Variants in GREB1 observed in about 807,000 individuals in gnomAD.
The protein encoded by GREB1 is growth regulating estrogen receptor binding 1, also known as protein GREB1.
In GREB1, 106 loss-of-function variants were observed where a neutral mutation model predicts 200.7. The ratio of observed to expected loss-of-function variants is 0.53; its 90% CI spans 0.45 to 0.62. The LOEUF (loss-of-function observed/expected upper bound fraction) is 0.62, where lower values mean the gene tolerates loss of function less well. Ranked by LOEUF, GREB1 falls within the 20% of genes least tolerant of loss-of-function variation. The pLI is 0.00. For missense variants in GREB1, 2,243 were observed against 2,556.8 expected, an observed-to-expected ratio of 0.88 and a Z score of 2.65; for synonymous variants, 1,132 against 1,092.4, an observed-to-expected ratio of 1.04 and a Z score of -0.72.
intron 4 of GREB1, among the ~76,000 whole-genome samples, chr2:11,573,633 A>G (rs775469373): frequency 2.6e-5 from 4 of 152,090 alleles, no homozygotes; most frequent in Non-Finnish European, 5.9e-5. Flanking sequence ...CTCTGTGGCT[A>G]TCTCTCCAAG....
At chr2:11,498,350 C>T (rs1159972783) in intron 1 of GREB1, among the ~76,000 whole-genome samples, 2 of 152,092 alleles carry the variant, frequency 1.3e-5, no homozygotes, top group Non-Finnish European at 2.9e-5. Context: ...GTTCCAGCAC[C>T]ATTTATTGAA....
upstream of GREB1, among the ~76,000 whole-genome samples, chr2:11,529,137 A>T (rs1250245489): frequency 6.6e-6 from 1 of 152,186 alleles, no homozygotes; most frequent in Non-Finnish European, 1.5e-5. Context: ...ACCTGTAAAG[A>T]TGGAAGAGTA....
At chr2:11,550,861 G>T (rs185490023) in intron 1 of GREB1, among the ~76,000 whole-genome samples, 5 of 152,302 alleles carry the variant, frequency 3.3e-5, no homozygotes, top group African/African-American at 9.6e-5. Context: ...GACAATGCAT[G>T]TTCTCCATCT....
intron 1 of GREB1, among the ~76,000 whole-genome samples, chr2:11,549,381 T>G (rs1009783562): frequency 6.6e-6 from 1 of 152,082 alleles, no homozygotes; most frequent in East Asian, 1.9e-4. Context: ...TGTCCTACTT[T>G]AAGACGAAAA....
intron 5 of GREB1, among the ~76,000 whole-genome samples, 161 bp downstream of exon 5, chr2:11,576,696 C>T (rs1024730258): frequency 3.3e-5 from 5 of 152,106 alleles, no homozygotes; most frequent in African/African-American, 7.2e-5. Context: ...GCGTTACGGG[C>T]GTTAAGCTGG....
intron 10 of GREB1, chr2:11,591,385 C>T (rs372031973): frequency 1.4e-6 from 1 of 734,790 alleles, no homozygotes; most frequent in Non-Finnish European, 2.5e-6. Flanking sequence ...GCCTGACGCA[C>T]TTTCTTCCAG....
At chr2:11,634,411 G>C in intron 29 of GREB1, 62 bp downstream of exon 29, 1 of 1,302,262 alleles carries the variant, frequency 7.7e-7, no homozygotes, top group Non-Finnish European at 1.1e-6. Context: ...TCCTGAGTGA[G>C]GGCAGCCTGG....
chr2:11,588,918 C>T lies in GREB1; in HGVS notation c.1332C>T (p.Tyr444=). The T allele has an allele frequency of 2.5e-6, 4 of 1,614,006 alleles. No individual in the cohort carries two copies. The highest frequency in any genetic ancestry group is 2.5e-6 in the Non-Finnish European group (3 of 1,179,938). The part of the protein sequence containing the change: ...EEMQLLLTVY[Y]LVQLAADQVP... The stretch of plus-strand genomic sequence containing the variant: ...TGCAGCTCCTGCTTACCGTCTACTA[C>T]CTGGTCCAGCTGGGTGAGTCACCTC... Residue 444 remains tyrosine (Y), a synonymous_variant, in exon 10 of 33, where the codon TAC becomes TAT. Coordinates refer to ENST00000381486, the MANE Select transcript of GREB1 (RefSeq NM_014668.4).
intron 5 of GREB1, among the ~76,000 whole-genome samples, chr2:11,577,626 CCT>C (rs1679009971): frequency 6.6e-6 from 1 of 152,182 alleles, no homozygotes; most frequent in African/African-American, 2.4e-5. Context: ...GTGAGGTGTC[CCT>C]CCCTTGTCTG....
chr2:11,603,979 C>T (rs945515234), intron 17 of GREB1, among the ~76,000 whole-genome samples: 1 of 152,216 alleles, frequency 6.6e-6, no homozygotes, highest in Non-Finnish European at 1.5e-5. Context: ...TATAGTGAAA[C>T]TGGACCCCAA....
At chr2:11,611,740 C>A (rs1026182863) in intron 18 of GREB1, among the ~76,000 whole-genome samples, 2 of 152,222 alleles carry the variant, frequency 1.3e-5, no homozygotes, top group African/African-American at 4.8e-5. Context: ...GCCATCCCCA[C>A]AGAACTCAGC....
intron 1 of GREB1, among the ~76,000 whole-genome samples, chr2:11,490,695 T>C (rs144213947): frequency 0.034 from 5,227 of 152,218 alleles, 304 homozygotes; most frequent in African/African-American, 0.11. Flanking sequence ...ATTACAGGCG[T>C]GCAGCACCAC....
intron 25 of GREB1, among the ~76,000 whole-genome samples, chr2:11,627,532 T>C (rs561412334): frequency 6.6e-6 from 1 of 152,120 alleles, no homozygotes; most frequent in South Asian, 2.1e-4. Flanking sequence ...GCAAAAGGAG[T>C]ACTATGGTTG....
chr2:11,599,418 C>T (rs1681567739), intron 15 of GREB1, among the ~76,000 whole-genome samples: 1 of 151,062 alleles, frequency 6.6e-6, no homozygotes, highest in South Asian at 2.1e-4. Flanking sequence ...CGGCTCACTG[C>T]AGGCTCAGCC....
chr2:11,592,931 C>A lies in GREB1; in HGVS notation c.1501C>A (p.Leu501Met). The change falls in exon 11 of 33, where the codon CTG becomes ATG. Residue 501 changes from leucine (L) to methionine (M), a missense_variant. Transcript: ENST00000381486. ...CGCGGCACCCGTGACCTCCGCGCAG[C>A]TGCCCTGGCTGGCCAGCCTGGCCGC... The part of the protein sequence containing the change: ...SAAAPVTSAQ[L>M]PWLASLAASS... 7 of 1,584,602 alleles carry A rather than the reference C, an allele frequency of 4.4e-6. No homozygotes were observed. Among genetic ancestry groups the A allele is most frequent in the Non-Finnish European group, 6.0e-6 (7 of 1,164,648 alleles).
Position 11,632,882 on chromosome 2 carries a change from A to T in GREB1, c.4817-7A>T. 1 of 1,613,018 alleles carries T rather than the reference A, an allele frequency of 6.2e-7. No homozygotes were observed. The highest frequency in any genetic ancestry group is 8.5e-7 in the Non-Finnish European group (1 of 1,179,482). ...AGTCCTGAGTCCAGGTGCTTTGCCC[A>T]CTGCAGGTGCTGCTCATTTCCTCAT... is the stretch of plus-strand genomic sequence containing the variant. On this transcript the variant is annotated splice_polypyrimidine_tract_variant and splice_region_variant and intron_variant, in intron 27 of 32. Coordinates refer to ENST00000381486, the MANE Select transcript of GREB1 (RefSeq NM_014668.4).
chr2:11,538,381 A>G (rs1454088707), intron 1 of GREB1, among the ~76,000 whole-genome samples: 1 of 151,560 alleles, frequency 6.6e-6, no homozygotes, highest in Non-Finnish European at 1.5e-5. Context: ...CTTTTTTTAC[A>G]AAAGATAAAT....
chr2:11,602,600 G>A, intron 17 of GREB1, 58 bp downstream of exon 17: 9 of 1,499,608 alleles, frequency 6.0e-6, no homozygotes, highest in Non-Finnish European at 8.3e-6. Flanking sequence ...GGCAAGTTGA[G>A]GTGCGTTTAG....
chr2:11,529,453 A>G (rs1270567807), upstream of GREB1, among the ~76,000 whole-genome samples: 1 of 152,200 alleles, frequency 6.6e-6, no homozygotes, highest in Non-Finnish European at 1.5e-5. Flanking sequence ...TGACGGTGAC[A>G]AGCATGGATG....
Sources: gnomAD v4.1 joint callset for allele counts (sites outside exome capture counted in the v4.1 genomes callset) on GRCh38, gnomAD v4.1.1 for gene constraint, MANE v1.5 for transcripts, NCBI Gene and HGNC (gene_info 2026-07-23, HGNC 2026-07-21) for gene names.